Variants in NET1 observed in about 807,000 individuals in gnomAD.
The protein encoded by NET1 is neuroepithelial cell-transforming gene 1 protein.
NET1 carries 42 observed loss-of-function variants against 61.1 expected under a neutral mutation model. The observed-to-expected ratio is 0.69, with a 90% CI of 0.54 to 0.89. NET1 has a LOEUF of 0.89. Among genes scored for constraint, NET1 ranks in the 40% least tolerant of loss-of-function variants. NET1 has a pLI of 0.00. For missense variants in NET1, 654 were observed against 747.3 expected (o/e 0.88, Z 1.46); for synonymous variants, 254 against 281.8 (o/e 0.90, Z 0.99).
rs1006018281 is a variant in NET1 at position 5,443,470 on chromosome 10, T to C, written c.256-8360T>C. Among the ~76,000 whole-genome samples, 2 of 152,220 alleles carry C rather than the reference T, an allele frequency of 1.3e-5. No homozygotes were observed. The highest frequency in any genetic ancestry group is 6.5e-5 in the Admixed American group (1 of 15,284). ...TTCTTCTATTTTTCACCACCACCCA[T>C]TAAGTTTCCTTATGAGAAAACTGAA... On this transcript the variant is annotated intron_variant, in intron 3 of 11. Coordinates refer to ENST00000355029, the MANE Select transcript of NET1 (RefSeq NM_001047160.3). The surrounding 1 kb of genome is among the most constrained non-coding windows in gnomAD (Gnocchi z 4.8).
chr10:5,428,675 T>A (rs1832299017), intron 2 of NET1, among the ~76,000 whole-genome samples: 1 of 151,736 alleles, frequency 6.6e-6, no homozygotes, highest in African/African-American at 2.4e-5. Flanking sequence ...TCAGATAGTA[T>A]CTATTCCAAA....
At position 5,416,931 on chromosome 10, in the gene NET1, C is replaced by T. The variant is rs1174720425; in HGVS notation, c.128+4111C>T. On this transcript the variant is annotated intron_variant, in intron 1 of 11. Coordinates refer to ENST00000355029, the MANE Select transcript of NET1 (RefSeq NM_001047160.3). This position sits in a 1 kb window ranked among gnomAD's most constrained non-coding sequence, Gnocchi z 6.1. ...GCTCAGTTAGACCCCTGCCTTATTT[C>T]AAGGACAGGGGGCCTTCTGTATCCC... Among the ~76,000 whole-genome samples the T allele has an allele frequency of 6.6e-6, 1 of 152,204 alleles. No homozygotes were observed. Among genetic ancestry groups the T allele is most frequent in the Non-Finnish European group, 1.5e-5 (1 of 68,028 alleles).
At position 5,450,980 on chromosome 10, in the gene NET1, G is replaced by A. The variant is rs146870321; in HGVS notation, c.256-850G>A. Reference sequence around the variant, plus strand: ...AGTTAATAAATTACTGTTTGAGAGAGGATCTAATTTATCTATGAATCCCAG... The same window carrying A: ...AGTTAATAAATTACTGTTTGAGAGAAGATCTAATTTATCTATGAATCCCAG... On this transcript the variant is annotated intron_variant, in intron 3 of 11. Coordinates refer to ENST00000355029, the MANE Select transcript of NET1 (RefSeq NM_001047160.3). Among the ~76,000 whole-genome samples, 1,423 of 152,278 alleles carry A rather than the reference G, an allele frequency of 9.3e-3. 74 individuals are homozygous for A. The highest frequency in any genetic ancestry group is 0.069 in the Admixed American group (1,050 of 15,290).
chr10:5,435,590 TAATG>T lies in NET1; in HGVS notation c.255+6368_255+6371del, dbSNP rs1025907906. ...AATAGATACTCCGTAAATATTGAAT[TAATG>T]AATGAAATATTAATAATACAGGTCA... On this transcript the variant is annotated intron_variant, in intron 3 of 11. Coordinates refer to ENST00000355029, the MANE Select transcript of NET1 (RefSeq NM_001047160.3). The surrounding 1 kb of genome is among the most constrained non-coding windows in gnomAD (Gnocchi z 5.0). 6.6e-6 allele frequency among the ~76,000 whole-genome samples: 1 copy of T among 152,162 alleles called. No homozygotes were observed. Among genetic ancestry groups the T allele is most frequent in the African/African-American group, 2.4e-5 (1 of 41,444 alleles).
At position 5,424,130 on chromosome 10, in the gene NET1, G is replaced by C. The variant is rs1832222282; in HGVS notation, c.129-2525G>C. On this transcript the variant is annotated intron_variant, in intron 1 of 11. Transcript: ENST00000355029. The surrounding 1 kb of genome is among the most constrained non-coding windows in gnomAD (Gnocchi z 6.1). ...AGGGAATAAAGAAATTAGTAGCTTTGGTTTTGTAATGCTCCCTAATACTTA... is the reference window on the plus strand; with the variant it reads ...AGGGAATAAAGAAATTAGTAGCTTTCGTTTTGTAATGCTCCCTAATACTTA... Among the ~76,000 whole-genome samples, 1 of 152,088 alleles carries C rather than the reference G, an allele frequency of 6.6e-6. No homozygotes were observed. The highest frequency in any genetic ancestry group is 6.5e-5 in the Admixed American group (1 of 15,268).
At position 5,412,581 on chromosome 10, in the gene NET1, G is replaced by T; in HGVS notation, c.-112G>T. On this transcript the variant is annotated 5_prime_UTR_variant, in exon 1 of 12. Transcript: ENST00000355029. The surrounding 1 kb of genome is among the most constrained non-coding windows in gnomAD (Gnocchi z 6.5). The stretch of plus-strand genomic sequence containing the variant: ...CAAATCCCCGGATGACGGCGGTGGC[G>T]GCTGCAGTCCGCTGACAGGCGCTTT... 3 of 1,178,378 alleles carry T rather than the reference G, an allele frequency of 2.5e-6. No homozygotes were observed. The South Asian group carries it at 5.1e-5, about 20-fold the overall frequency. 73.0% of individuals were successfully genotyped at this position (1,178,378 alleles called of 1,614,324 possible). A position where few individuals can be genotyped will look rare whatever the true frequency, so the allele number is the denominator to read the frequency against.
intron 3 of NET1, among the ~76,000 whole-genome samples, chr10:5,436,254 T>A (rs1290221171): frequency 0.023 from 783 of 33,998 alleles, 1 homozygote; most frequent in Non-Finnish European, 0.039. Context: ...ATATATTTTT[T>A]TTTTTTTTTT....
chr10:5,454,213 G>T lies in NET1; in HGVS notation c.769-52G>T. ...GTTTCATGTTTGCAGGCTTGTTAAT[G>T]CACTCGGTCATAACAGGAACACATC... On this transcript the variant is annotated intron_variant, in intron 8 of 11. Coordinates refer to ENST00000355029, the MANE Select transcript of NET1 (RefSeq NM_001047160.3). This position sits in a 1 kb window ranked among gnomAD's most constrained non-coding sequence, Gnocchi z 8.1. The T allele has an allele frequency of 6.5e-7, 1 of 1,542,154 alleles. No homozygotes were observed. Among genetic ancestry groups the T allele is most frequent in the Non-Finnish European group, 8.7e-7 (1 of 1,143,990 alleles).
chr10:5,433,920 A>AT (rs10709166), intron 3 of NET1, among the ~76,000 whole-genome samples: 40,880 of 151,596 alleles, frequency 0.27, 5,699 homozygotes, highest in Non-Finnish European at 0.29. Context: ...TTCTGAAATA[A>AT]TTTTTTTTAT....
chr10:5,420,202 C>T lies in NET1; in HGVS notation c.129-6453C>T, dbSNP rs1048816832. Among the ~76,000 whole-genome samples, 1 of 152,072 alleles carries T rather than the reference C, an allele frequency of 6.6e-6. No individual in the cohort carries two copies. The highest frequency in any genetic ancestry group is 1.5e-5 in the Non-Finnish European group (1 of 68,006). Reference sequence around the variant, plus strand: ...CAAAATTTTAATGCAAATATTTAAACCAAGCAGTTCTACCCACAGAAATTT... The same window carrying T: ...CAAAATTTTAATGCAAATATTTAAATCAAGCAGTTCTACCCACAGAAATTT... On this transcript the variant is annotated intron_variant, in intron 1 of 11. Transcript: ENST00000355029. This position sits in a 1 kb window ranked among gnomAD's most constrained non-coding sequence, Gnocchi z 5.3.
chr10:5,452,859 C>A lies in NET1; in HGVS notation c.533C>A (p.Ala178Glu). 2 of 1,612,260 alleles carry A rather than the reference C, an allele frequency of 1.2e-6. No individual in the cohort carries two copies. Among genetic ancestry groups the A allele is most frequent in the Admixed American group, 3.3e-5 (2 of 59,754 alleles). The change falls in exon 6 of 12, where the codon GCA becomes GAA. Residue 178 changes from alanine to glutamate, a missense_variant and splice_region_variant. Coordinates refer to ENST00000355029, the MANE Select transcript of NET1 (RefSeq NM_001047160.3). This position sits in a 1 kb window ranked among gnomAD's most constrained non-coding sequence, Gnocchi z 4.0. ...LTTREIRRQEAIYEMSRGEQD... is the reference protein window; with the variant it reads ...LTTREIRRQEEIYEMSRGEQD... ...CTGATGTTTGCTGGATGTTTTTAGG[C>A]AATATATGAAATGTCCCGAGGTGAA...
chr10:5,426,897 C>T lies in NET1; in HGVS notation c.195+176C>T, dbSNP rs1832266577. ...CTTTTCTGCTAACAAGCTGTAATAA[C>T]TTTTTGTTTCAAGTAAATATAAAAC... On this transcript the variant is annotated intron_variant, in intron 2 of 11. Transcript: ENST00000355029. The surrounding 1 kb of genome is among the most constrained non-coding windows in gnomAD (Gnocchi z 4.6). Among the ~76,000 whole-genome samples the T allele has an allele frequency of 6.6e-6, 1 of 152,124 alleles. No individual in the cohort carries two copies. The highest frequency in any genetic ancestry group is 6.5e-5 in the Admixed American group (1 of 15,280).
At position 5,457,288 on chromosome 10, in the gene NET1, T is replaced by C; in HGVS notation, c.*294T>C. On this transcript the variant is annotated 3_prime_UTR_variant, in exon 12 of 12. Coordinates refer to ENST00000355029, the MANE Select transcript of NET1 (RefSeq NM_001047160.3). This position sits in a 1 kb window ranked among gnomAD's most constrained non-coding sequence, Gnocchi z 5.4. ...AAATGGGTTTTCTCTTAATTCTGGATTCATCATGGCTTTCTAATACCAATT... is the reference window on the plus strand; with the variant it reads ...AAATGGGTTTTCTCTTAATTCTGGACTCATCATGGCTTTCTAATACCAATT... The C allele has an allele frequency of 4.7e-6, 1 of 211,018 alleles. No homozygotes were observed. The highest frequency in any genetic ancestry group is 9.3e-6 in the Non-Finnish European group (1 of 107,026). The allele number at this position is 211,018 out of a possible 1,614,324, so 13.1% of individuals were successfully genotyped here.
rs201494361 is a variant in NET1 at position 5,451,820 on chromosome 10, G to A, written c.256-10G>A. On this transcript the variant is annotated splice_polypyrimidine_tract_variant and intron_variant, in intron 3 of 11. Transcript: ENST00000355029. This position sits in a 1 kb window ranked among gnomAD's most constrained non-coding sequence, Gnocchi z 6.1. ...ACATATATTTAGTGTCATCTGGTTT[G>A]TTTTTATAGGAGCCAAGCAATAAAA... The A allele has an allele frequency of 1.2e-4, 201 of 1,610,560 alleles. 1 individual carries two copies. In the East Asian group the frequency reaches 3.9e-3, roughly 31 times the overall value.
rs549103881 is a variant in NET1 at position 5,458,091 on chromosome 10, G to A, written c.*1097G>A. The A allele has an allele frequency of 6.6e-6, 1 of 152,114 alleles. No individual in the cohort carries two copies. Among genetic ancestry groups the A allele is most frequent in the Non-Finnish European group, 1.5e-5 (1 of 68,008 alleles). 9.4% of individuals were successfully genotyped at this position (152,114 alleles called of 1,614,324 possible). On this transcript the variant is annotated 3_prime_UTR_variant, in exon 12 of 12. Transcript: ENST00000355029. The surrounding 1 kb of genome is among the most constrained non-coding windows in gnomAD (Gnocchi z 4.5). The stretch of plus-strand genomic sequence containing the variant: ...GCGTGTAGTAAGTTGTAGAAGGCTC[G>A]AGGGGACGTGGACTTATTTGCCTTG...
chr10:5,438,770 A>G (rs1004636898), intron 3 of NET1, among the ~76,000 whole-genome samples: 1 of 152,092 alleles, frequency 6.6e-6, no homozygotes, highest in Non-Finnish European at 1.5e-5. Context: ...ACTAAAGCCA[A>G]CACTACAAGA....
rs1324959767 is a variant in NET1, at chr10:5,454,559, G to T, written c.1026+37G>T. 6.9e-6 allele frequency: 11 copies of T among 1,588,482 alleles called. No homozygotes were observed. The highest frequency in any genetic ancestry group is 8.5e-6 in the Non-Finnish European group (10 of 1,169,678). ...CTTAAGTGATTGTTTTGTTTTTTAA[G>T]TTTATACATTAGGCTGCTTTAGAAC... On this transcript the variant is annotated intron_variant, in intron 9 of 11. Coordinates refer to ENST00000355029, the MANE Select transcript of NET1 (RefSeq NM_001047160.3). The surrounding 1 kb of genome is among the most constrained non-coding windows in gnomAD (Gnocchi z 8.1).
rs1013423706 is a variant in NET1, at chr10:5,417,245, C to CG, written c.128+4431dup. On this transcript the variant is annotated intron_variant, in intron 1 of 11. Coordinates refer to ENST00000355029, the MANE Select transcript of NET1 (RefSeq NM_001047160.3). This position sits in a 1 kb window ranked among gnomAD's most constrained non-coding sequence, Gnocchi z 5.5. ...CCTGTGTGTCTGCCTGCTAGGGTCTCGGGGGGTTTTTATAGGCACAGGTGG... is the reference window on the plus strand; with the variant it reads ...CCTGTGTGTCTGCCTGCTAGGGTCTCGGGGGGGTTTTTATAGGCACAGGTGG... Among the ~76,000 whole-genome samples, 1 of 151,900 alleles carries CG rather than the reference C, an allele frequency of 6.6e-6. No homozygotes were observed. Among genetic ancestry groups the CG allele is most frequent in the East Asian group, 1.9e-4 (1 of 5,154 alleles).
rs1446295850 is a variant in NET1, at chr10:5,431,599, G to A, written c.255+2370G>A. Reference sequence around the variant, plus strand: ...GGCCATTTGATTACTCTGAAGTTCTGATTTATAATAAAAGCAGAACAAGTG... The same window carrying A: ...GGCCATTTGATTACTCTGAAGTTCTAATTTATAATAAAAGCAGAACAAGTG... On this transcript the variant is annotated intron_variant, in intron 3 of 11. Coordinates refer to ENST00000355029, the MANE Select transcript of NET1 (RefSeq NM_001047160.3). This position sits in a 1 kb window ranked among gnomAD's most constrained non-coding sequence, Gnocchi z 4.9. Among the ~76,000 whole-genome samples, 1 of 151,880 alleles carries A rather than the reference G, an allele frequency of 6.6e-6. No individual in the cohort carries two copies. The highest frequency in any genetic ancestry group is 2.4e-5 in the African/African-American group (1 of 41,332).
Sources: allele counts gnomAD v4.1 joint callset (sites outside exome capture counted in the v4.1 genomes callset), GRCh38; gene constraint gnomAD v4.1.1; non-coding constraint Gnocchi (gnomAD v3.1); transcripts MANE v1.5; gene names NCBI Gene and HGNC (gene_info 2026-07-23, HGNC 2026-07-21).